The following TRHDE variants were observed in gnomAD, a reference collection of about 807,000 sequenced individuals.
The protein encoded by TRHDE is thyrotropin-releasing hormone-degrading ectoenzyme.
In TRHDE, 72 loss-of-function variants were observed where a neutral mutation model predicts 125.7. The ratio of observed to expected loss-of-function variants is 0.57; its 90% CI spans 0.47 to 0.70. TRHDE has a LOEUF of 0.70. Among genes scored for constraint, TRHDE ranks in the 30% least tolerant of loss-of-function variants. TRHDE has a pLI of 0.00. For synonymous variants in TRHDE, 509 were observed against 509.1 expected (o/e 1.00, Z 0.00); for missense variants, 1,110 against 1,327.1 (o/e 0.84, Z 2.54).
chr12:72,597,709 G>A (rs11179272), intron 12 of TRHDE, among the ~76,000 whole-genome samples: 14 of 56,940 alleles, frequency 2.5e-4, no homozygotes, highest in African/African-American at 4.8e-4. Context: ...ATGTGTGTGT[G>A]TATGTATATA....
At chr12:72,353,204 G>T (rs1167570763) in intron 2 of TRHDE, among the ~76,000 whole-genome samples, 1 of 151,564 alleles carries the variant, frequency 6.6e-6, no homozygotes, top group African/African-American at 2.4e-5. Context: ...ACCTAGCAAG[G>T]CAGTGAGCAG....
chr12:72,489,862 A>C (rs1877581802), intron 5 of TRHDE, among the ~76,000 whole-genome samples: 1 of 151,946 alleles, frequency 6.6e-6, no homozygotes, highest in Admixed American at 6.6e-5. Flanking sequence ...GTAAGACCTA[A>C]ATGTAAGAAC....
At chr12:72,331,766 G>A (rs7135395) in intron 2 of TRHDE, among the ~76,000 whole-genome samples, 125,433 of 152,142 alleles carry the variant, frequency 0.82, 51,866 homozygotes, top group East Asian at 0.92. Context: ...CAAGAGGTGG[G>A]AAGATAGGCA....
intron 2 of TRHDE, among the ~76,000 whole-genome samples, chr12:72,300,294 C>T (rs896172628): frequency 2.0e-5 from 3 of 151,698 alleles, no homozygotes; most frequent in Admixed American, 1.3e-4. Context: ...TTCTCACTTA[C>T]TGGATTGCAA....
intron 15 of TRHDE, among the ~76,000 whole-genome samples, chr12:72,641,377 G>T (rs1337731621): frequency 6.6e-6 from 1 of 151,914 alleles, no homozygotes; most frequent in African/African-American, 2.4e-5. Context: ...GTTATTAAAG[G>T]ATTTCCAAAA....
intron 2 of TRHDE, among the ~76,000 whole-genome samples, chr12:72,164,454 G>A (rs1039024430): frequency 1.3e-5 from 2 of 152,298 alleles, no homozygotes; most frequent in East Asian, 1.9e-4. Flanking sequence ...TGAGACATGG[G>A]GTTTTAATAG....
intron 12 of TRHDE, among the ~76,000 whole-genome samples, chr12:72,600,891 G>A (rs1273687591): frequency 6.6e-6 from 1 of 152,030 alleles, no homozygotes; most frequent in Non-Finnish European, 1.5e-5. Flanking sequence ...CTCTGATACA[G>A]TTGTACCAGG....
At chr12:72,420,721 G>A (rs920594592) in intron 3 of TRHDE, among the ~76,000 whole-genome samples, 1 of 152,150 alleles carries the variant, frequency 6.6e-6, no homozygotes, top group African/African-American at 2.4e-5. Context: ...TAGGTATGCT[G>A]TTGATCAATT....
chr12:72,097,020 T>C (rs1874939568), intron 1 of TRHDE, among the ~76,000 whole-genome samples: 1 of 152,210 alleles, frequency 6.6e-6, no homozygotes, highest in Admixed American at 6.5e-5. Flanking sequence ...TTACCAAATA[T>C]ACTGATTAGC....
rs138654799 is a variant in TRHDE, at chr12:72,599,745, T to C, written c.2322-19146T>C. On this transcript the variant is annotated intron_variant, in intron 12 of 18. Transcript: ENST00000261180. ...TAAGGTTTCACTTGTCAATTTCTAT[T>C]TTTGTTGCAATTGATTTTTAGGAGT... Among the ~76,000 whole-genome samples, 126 of 152,284 alleles carry C rather than the reference T, an allele frequency of 8.3e-4. 1 individual carries two copies. The Middle Eastern group carries it at 0.031, about 37-fold the overall frequency.
chr12:72,198,947 G>GAA (rs1877499418), intron 2 of TRHDE, among the ~76,000 whole-genome samples: 1 of 151,958 alleles, frequency 6.6e-6, no homozygotes, highest in African/African-American at 2.4e-5. Context: ...GAGAGAGAGA[G>GAA]AGAGAGAGAG....
Position 72,378,118 on chromosome 12 carries a change from C to A in TRHDE, c.1312C>A (p.Leu438Ile). 1 of 1,568,082 alleles carries A rather than the reference C, an allele frequency of 6.4e-7. No individual in the cohort carries two copies. Among genetic ancestry groups the A allele is most frequent in the Non-Finnish European group, 8.6e-7 (1 of 1,165,376 alleles). ...TAAAGTGCCCTATTCCTTGCCAAAACTAGGTAAGAATTTTCTTGGTTATTT... is the reference window on the plus strand; with the variant it reads ...TAAAGTGCCCTATTCCTTGCCAAAAATAGGTAAGAATTTTCTTGGTTATTT... ...YFKVPYSLPK[L>I]DLLAVPKHPY... The change falls in exon 3 of 19, where the codon CTA (leucine) becomes ATA (isoleucine). Residue 438 changes from leucine (L) to isoleucine (I), a missense_variant. This residue lies in a region of TRHDE where 252 missense variants were observed against 274.8 expected (regional missense o/e 0.92). Transcript: ENST00000261180.
At chr12:72,096,370 G>T (rs532886762) in intron 1 of TRHDE, among the ~76,000 whole-genome samples, 94 of 152,244 alleles carry the variant, frequency 6.2e-4, no homozygotes, top group African/African-American at 2.1e-3. Context: ...ATTAATAAAA[G>T]AAAATCTTTA....
intron 2 of TRHDE, among the ~76,000 whole-genome samples, chr12:72,306,111 G>A (rs1477784078): frequency 6.6e-6 from 1 of 152,064 alleles, no homozygotes; most frequent in Non-Finnish European, 1.5e-5. Flanking sequence ...TTTTCTGCTG[G>A]TGGATATCAA....
intron 12 of TRHDE, among the ~76,000 whole-genome samples, chr12:72,593,883 T>C (rs1252547488): frequency 6.6e-6 from 1 of 152,212 alleles, no homozygotes; most frequent in Non-Finnish European, 1.5e-5. Flanking sequence ...CCATGGTGTA[T>C]ATGTGCCTCA....
chr12:72,604,709 C>G (rs1057155098), intron 12 of TRHDE, among the ~76,000 whole-genome samples: 2 of 152,058 alleles, frequency 1.3e-5, no homozygotes, highest in African/African-American at 2.4e-5. Flanking sequence ...TCTGAATTAA[C>G]TAGCACTTTT....
chr12:72,600,967 A>G (rs1476326940), intron 12 of TRHDE, among the ~76,000 whole-genome samples: 1 of 152,108 alleles, frequency 6.6e-6, no homozygotes, highest in African/African-American at 2.4e-5. Context: ...TCAAGGAATA[A>G]TTTTGACTTT....
In TRHDE at chr12:72,474,848, C is replaced by T. The variant is rs114616093; in HGVS notation, c.1584+1668C>T. On this transcript the variant is annotated intron_variant, in intron 5 of 18. Transcript: ENST00000261180. ...ATAACTTCTCCAACATAAATTTAAACGACTCCTGCTGAGAAAAAAAAATGA... is the reference window on the plus strand; with the variant it reads ...ATAACTTCTCCAACATAAATTTAAATGACTCCTGCTGAGAAAAAAAAATGA... 8.7e-3 allele frequency among the ~76,000 whole-genome samples: 1,324 copies of T among 151,878 alleles called. 12 individuals carry two copies. The highest frequency in any genetic ancestry group is 0.03 in the African/African-American group (1,249 of 41,444).
chr12:72,306,019 C>T (rs1592532589), intron 2 of TRHDE, among the ~76,000 whole-genome samples: 2 of 152,314 alleles, frequency 1.3e-5, no homozygotes, highest in East Asian at 3.9e-4. Context: ...CAGTGAGAAG[C>T]ACTAATCCAA....
Sources: gnomAD v4.1 joint callset for allele counts (sites outside exome capture counted in the v4.1 genomes callset) on GRCh38, gnomAD v4.1.1 for gene constraint, gnomAD v4.1.1 regional missense constraint, MANE v1.5 for transcripts, NCBI Gene and HGNC (gene_info 2026-07-23, HGNC 2026-07-21) for gene names.